DOCK10: variants seen among roughly 807,000 people sequenced by gnomAD.
DOCK10 encodes dedicator of cytokinesis protein 10.
Under a neutral mutation model 280.1 loss-of-function variants are expected in DOCK10, and 145 were observed. The observed-to-expected ratio is 0.52, with a 90% CI of 0.45 to 0.59. The LOEUF (loss-of-function observed/expected upper bound fraction) is 0.59, where lower values mean the gene tolerates loss of function less well. DOCK10 is among the 20% of genes least tolerant of loss of function. The probability of loss-of-function intolerance (pLI) is 0.00; values close to 1 mark genes in which losing one functional copy is unlikely to be tolerated. For missense variants in DOCK10, 2,368 were observed against 2,651.7 expected (o/e 0.89, Z 2.35); for synonymous variants, 915 against 942.2 (o/e 0.97, Z 0.53).
chr2:224,921,638 T>A (rs961085358), intron 2 of DOCK10, among the ~76,000 whole-genome samples: 2 of 152,226 alleles, frequency 1.3e-5, no homozygotes, highest in African/African-American at 4.8e-5. Context: ...CTTGGAACCA[T>A]GTGATAAATC....
chr2:225,017,014 C>T (rs556188264), intron 1 of DOCK10, among the ~76,000 whole-genome samples: 8 of 151,784 alleles, frequency 5.3e-5, no homozygotes, highest in Non-Finnish European at 8.8e-5. Flanking sequence ...TGAGCCACTG[C>T]GCCCGGCCGC....
chr2:224,859,226 C>T (rs1006766211), intron 14 of DOCK10, among the ~76,000 whole-genome samples: 4 of 151,950 alleles, frequency 2.6e-5, no homozygotes, highest in Non-Finnish European at 4.4e-5. Flanking sequence ...TGTAGAGATA[C>T]GAGAATGAAA....
chr2:224,911,457 C>A (rs1298724441), intron 3 of DOCK10, among the ~76,000 whole-genome samples: 1 of 152,200 alleles, frequency 6.6e-6, no homozygotes, highest in Non-Finnish European at 1.5e-5. Context: ...TATGGATCCA[C>A]TTATCTGCTT....
At chr2:224,916,361 C>A (rs1344870362) in intron 3 of DOCK10, among the ~76,000 whole-genome samples, 6 of 152,002 alleles carry the variant, frequency 3.9e-5, no homozygotes, top group Non-Finnish European at 5.9e-5. Flanking sequence ...GCCAACATGG[C>A]GAAACCCTGT....
At chr2:224,961,182 C>A (rs1225591529) in intron 1 of DOCK10, among the ~76,000 whole-genome samples, 1 of 152,126 alleles carries the variant, frequency 6.6e-6, no homozygotes, top group Admixed American at 6.5e-5. Context: ...CAGTGTTTCC[C>A]CAACTGTATT....
At chr2:224,798,277 C>G (rs1692726670) in intron 41 of DOCK10, among the ~76,000 whole-genome samples, 1 of 152,086 alleles carries the variant, frequency 6.6e-6, no homozygotes, top group Admixed American at 6.6e-5. Context: ...CTCAAAGGGG[C>G]CTGCCCTGGA....
chr2:225,014,081 A>ATATATATATATATATATTTTT (rs776104946), intron 1 of DOCK10, among the ~76,000 whole-genome samples: 16 of 96,798 alleles, frequency 1.7e-4, no homozygotes, highest in African/African-American at 7.0e-4. Flanking sequence ...GTCTGAATAT[A>ATATATATATATATATATTTTT]TTGTTTTTTT....
intron 1 of DOCK10, among the ~76,000 whole-genome samples, chr2:224,955,744 C>A (rs964521634): frequency 1.3e-5 from 2 of 152,198 alleles, no homozygotes; most frequent in Admixed American, 1.3e-4. Flanking sequence ...GTGCACACTG[C>A]AGTAAATTCT....
intron 1 of DOCK10, among the ~76,000 whole-genome samples, chr2:224,988,334 T>C (rs1445717540): frequency 2.0e-5 from 3 of 152,200 alleles, no homozygotes; most frequent in Non-Finnish European, 4.4e-5. Context: ...TTGTTTGCTA[T>C]ATATCCAGCA....
intron 3 of DOCK10, among the ~76,000 whole-genome samples, chr2:224,910,755 C>T (rs1389105100): frequency 1.3e-5 from 2 of 152,168 alleles, no homozygotes; most frequent in Non-Finnish European, 2.9e-5. Flanking sequence ...TTCTTATCTG[C>T]TGTCTCCAGG....
intron 1 of DOCK10, among the ~76,000 whole-genome samples, chr2:224,933,604 C>T (rs1702518961): frequency 6.6e-6 from 1 of 152,180 alleles, no homozygotes; most frequent in South Asian, 2.1e-4. Flanking sequence ...TACAGTAAAA[C>T]CCTTTCAGGA....
At chr2:224,806,268 G>C in intron 33 of DOCK10, 31 bp from the exon 34 acceptor site, 1 of 1,295,846 alleles carries the variant, frequency 7.7e-7, no homozygotes, top group Non-Finnish European at 1.1e-6. Context: ...AGATTAATGG[G>C]AATCATGGCA....
chr2:224,819,903 C>A (rs1471114961), intron 28 of DOCK10, among the ~76,000 whole-genome samples: 1 of 152,160 alleles, frequency 6.6e-6, no homozygotes, highest in Non-Finnish European at 1.5e-5. Context: ...TGGAGCTTTG[C>A]AATGAAATAT....
intron 19 of DOCK10, among the ~76,000 whole-genome samples, chr2:224,847,563 A>AT (rs1696447190): frequency 6.6e-6 from 1 of 152,218 alleles, no homozygotes; most frequent in Non-Finnish European, 1.5e-5. Flanking sequence ...AAGAATATTA[A>AT]TTTTTTTAAA....
intron 4 of DOCK10, among the ~76,000 whole-genome samples, chr2:224,886,886 A>ACCCCCCCCCCCCC (rs879598680): frequency 3.0e-5 from 4 of 135,266 alleles, no homozygotes; most frequent in South Asian, 2.3e-4. Flanking sequence ...AGCACCCCCA[A>ACCCCCCCCCCCCC]CACCCCCCCA....
At chr2:224,882,450 C>T (rs1699031272) in intron 7 of DOCK10, among the ~76,000 whole-genome samples, 1 of 152,056 alleles carries the variant, frequency 6.6e-6, no homozygotes, top group East Asian at 1.9e-4. Flanking sequence ...AGGAAATTGT[C>T]AGTCATAAAC....
intron 1 of DOCK10, chr2:224,983,945 G>A (rs140501031): frequency 4.1e-5 from 19 of 461,422 alleles, no homozygotes; most frequent in Non-Finnish European, 8.1e-5. Context: ...CTGAAGAGAG[G>A]CTACGACTTA....
At chr2:224,896,842 G>T (rs1338514543) in intron 3 of DOCK10, among the ~76,000 whole-genome samples, 4 of 152,340 alleles carry the variant, frequency 2.6e-5, no homozygotes, top group African/African-American at 9.6e-5. Flanking sequence ...TAAGGAGCTT[G>T]CTCTTTCCAA....
intron 3 of DOCK10, among the ~76,000 whole-genome samples, chr2:224,910,666 A>G (rs1443520012): frequency 6.6e-6 from 1 of 152,204 alleles, no homozygotes; most frequent in East Asian, 1.9e-4. Flanking sequence ...GCTATTAGCA[A>G]TTGGGGTCAA....
Sources: allele counts gnomAD v4.1 joint callset (sites outside exome capture counted in the v4.1 genomes callset), GRCh38; gene constraint gnomAD v4.1.1; transcripts MANE v1.5; gene names NCBI Gene and HGNC (gene_info 2026-07-23, HGNC 2026-07-21).